Variants in SLC9B2 observed in about 807,000 individuals in gnomAD.
The protein encoded by SLC9B2 is sodium/hydrogen exchanger 9B2.
SLC9B2 carries 39 observed loss-of-function variants against 52.2 expected under a neutral mutation model. The ratio of observed to expected loss-of-function variants is 0.75; its 90% CI spans 0.58 to 0.98. SLC9B2 has a LOEUF of 0.98. SLC9B2 is among the 50% of genes least tolerant of loss of function. SLC9B2 has a pLI of 0.00. For missense variants in SLC9B2, 626 were observed against 637.5 expected (o/e 0.98, Z 0.19); for synonymous variants, 214 against 227.0 (o/e 0.94, Z 0.51).
Position 103,051,905 on chromosome 4 carries a change from C to T in SLC9B2, c.443-1523G>A, listed in dbSNP as rs564106900. Among the ~76,000 whole-genome samples, 5 of 152,266 alleles carry T rather than the reference C, an allele frequency of 3.3e-5. No individual in the cohort carries two copies. The South Asian group carries it at 1.0e-3, about 32-fold the overall frequency. ...TATTTGCTTTATTCTCTTTTAATAACTGGAATAGTATCTCACTGTTTGGAA... is the reference window on the plus strand; with the variant it reads ...TATTTGCTTTATTCTCTTTTAATAATTGGAATAGTATCTCACTGTTTGGAA... On this transcript the variant is annotated intron_variant, in intron 4 of 11. Coordinates refer to ENST00000394785, the MANE Select transcript of SLC9B2 (RefSeq NM_178833.7).
rs541373887 is a variant in SLC9B2 at position 103,061,512 on chromosome 4, G to C, written c.272-3541C>G. Among the ~76,000 whole-genome samples the C allele has an allele frequency of 4.7e-4, 71 of 152,276 alleles. No homozygotes were observed. In the South Asian group the frequency reaches 0.014, roughly 31 times the overall value. On this transcript the variant is annotated intron_variant, in intron 3 of 11. Coordinates refer to ENST00000394785, the MANE Select transcript of SLC9B2 (RefSeq NM_178833.7). ...TATCACACACCGGGGCCTGTTGTGGGGTGGGGGTAGGAGGGAGGGATAGCA... is the reference window on the plus strand; with the variant it reads ...TATCACACACCGGGGCCTGTTGTGGCGTGGGGGTAGGAGGGAGGGATAGCA...
chr4:103,062,005 A>C (rs1745685859), intron 3 of SLC9B2, among the ~76,000 whole-genome samples: 1 of 152,220 alleles, frequency 6.6e-6, no homozygotes. Flanking sequence ...CAAGGGTTGA[A>C]ATTTCTATGC....
In SLC9B2 at chr4:103,057,901, G is replaced by A. The variant is rs114897256; in HGVS notation, c.342C>T (p.Asn114=). The change falls in exon 4 of 12, where the codon AAC becomes AAT. Residue 114 remains asparagine (N), a synonymous_variant. Transcript: ENST00000394785. ...ITGSECLPGG[N]LFGIIILFYC... ...AGAATAGGATTATAATTCCAAATAGGTTTCCTCCAGGAAGACATTCACTGC... is the reference window on the plus strand; with the variant it reads ...AGAATAGGATTATAATTCCAAATAGATTTCCTCCAGGAAGACATTCACTGC... The A allele has an allele frequency of 1.6e-4, 253 of 1,613,844 alleles. No homozygotes were observed. In the African/African-American group the frequency reaches 3.1e-3, roughly 20 times the overall value.
At chr4:103,072,477 T>C (rs940386093) in intron 1 of SLC9B2, among the ~76,000 whole-genome samples, 1 of 152,246 alleles carries the variant, frequency 6.6e-6, no homozygotes, top group Non-Finnish European at 1.5e-5. Context: ...CTGTTCCTTC[T>C]GGCAAGTGGA....
chr4:103,025,122 T>C lies in SLC9B2; in HGVS notation c.*1248A>G, dbSNP rs942879839. On this transcript the variant is annotated 3_prime_UTR_variant, in exon 12 of 12. Transcript: ENST00000394785. ...CACTTAGCTGCCTCACAGCCGGATA[T>C]GATCAATACCAATAAATGTAGGAAA... Among the ~76,000 whole-genome samples the C allele has an allele frequency of 2.0e-5, 3 of 152,188 alleles. No homozygotes were observed. Among genetic ancestry groups the C allele is most frequent in the Non-Finnish European group, 4.4e-5 (3 of 68,024 alleles).
chr4:103,072,056 G>GT (rs779979130), intron 1 of SLC9B2, among the ~76,000 whole-genome samples: 9,945 of 95,240 alleles, frequency 0.1, 1,191 homozygotes, highest in Admixed American at 0.15. Context: ...TGGCTTTCAT[G>GT]TTTTTTTTTT....
intron 1 of SLC9B2, among the ~76,000 whole-genome samples, chr4:103,068,172 T>C (rs955644676): frequency 6.6e-6 from 1 of 152,180 alleles, no homozygotes; most frequent in Non-Finnish European, 1.5e-5. Context: ...CCAAAACATA[T>C]TGTTTGTTTT....
chr4:103,029,671 T>C (rs114981554), intron 10 of SLC9B2, among the ~76,000 whole-genome samples: 1 of 152,074 alleles, frequency 6.6e-6, no homozygotes, highest in African/African-American at 2.4e-5. Context: ...TTGTGAGTAG[T>C]GCTGCTACAT....
At chr4:103,035,354 A>T (rs775655082) in intron 9 of SLC9B2, among the ~76,000 whole-genome samples, 2 of 152,062 alleles carry the variant, frequency 1.3e-5, no homozygotes, top group Non-Finnish European at 2.9e-5. Flanking sequence ...GGGTATATAT[A>T]CACCACATTT....
At chr4:103,039,944 C>T (rs1295174744) in intron 9 of SLC9B2, among the ~76,000 whole-genome samples, 2 of 152,020 alleles carry the variant, frequency 1.3e-5, no homozygotes, top group Non-Finnish European at 2.9e-5. Flanking sequence ...CCGCACCCAG[C>T]CTCAAATGGT....
intron 11 of SLC9B2, among the ~76,000 whole-genome samples, chr4:103,027,611 G>A (rs1231591636): frequency 6.6e-6 from 1 of 152,076 alleles, no homozygotes; most frequent in East Asian, 1.9e-4. Flanking sequence ...AACAATGTAA[G>A]CCTCTAAGAC....
chr4:103,029,881 T>A (rs924861408), intron 10 of SLC9B2, among the ~76,000 whole-genome samples: 1 of 152,156 alleles, frequency 6.6e-6, no homozygotes, highest in African/African-American at 2.4e-5. Flanking sequence ...AAAGGATAAG[T>A]AGTTTTCTCA....
At chr4:103,065,718 C>T (rs1436740816) in intron 3 of SLC9B2, 1 of 152,148 alleles carries the variant, frequency 6.6e-6, no homozygotes, top group Non-Finnish European at 1.5e-5. Flanking sequence ...ATATATTTAT[C>T]AAATTGATGG....
intron 3 of SLC9B2, among the ~76,000 whole-genome samples, chr4:103,064,221 A>G (rs1745904412): frequency 6.6e-6 from 1 of 152,252 alleles, no homozygotes; most frequent in Admixed American, 6.5e-5. Context: ...ACTATTCACA[A>G]TAGCCAAGAT....
rs1157420223 is a variant in SLC9B2 at position 103,076,596 on chromosome 4, G to A, written c.-455C>T. ...AAAGGTGGCGCCAGGCCGACCATGGGCCCACGTCCCGGGGCCTCGGAGCGG... is the reference window on the plus strand; with the variant it reads ...AAAGGTGGCGCCAGGCCGACCATGGACCCACGTCCCGGGGCCTCGGAGCGG... On this transcript the variant is annotated 5_prime_UTR_variant, in exon 1 of 12. Coordinates refer to ENST00000394785, the MANE Select transcript of SLC9B2 (RefSeq NM_178833.7). 1 of 152,208 alleles carries A rather than the reference G, an allele frequency of 6.6e-6. No homozygotes were observed. The highest frequency in any genetic ancestry group is 1.9e-4 in the East Asian group (1 of 5,176). The allele number at this position is 152,208 out of a possible 1,614,324, so 9.4% of individuals were successfully genotyped here. A position where few individuals can be genotyped will look rare whatever the true frequency, so the allele number is the denominator to read the frequency against.
rs1188594146 is a variant in SLC9B2 at position 103,025,426 on chromosome 4, G to T, written c.*944C>A. 6.6e-6 allele frequency: 1 copy of T among 152,200 alleles called. No individual in the cohort carries two copies. Among genetic ancestry groups the T allele is most frequent in the Non-Finnish European group, 1.5e-5 (1 of 68,024 alleles). 9.4% of individuals were successfully genotyped at this position (152,200 alleles called of 1,614,324 possible). ...GAATGGCAGAGCTTCAGGACAGAAA[G>T]ACATGGGACTCTGAGCAGACCTCAT... On this transcript the variant is annotated 3_prime_UTR_variant, in exon 12 of 12. Coordinates refer to ENST00000394785, the MANE Select transcript of SLC9B2 (RefSeq NM_178833.7).
rs1200146213 is a variant in SLC9B2 at position 103,024,465 on chromosome 4, C to T, written c.*1905G>A. ...AGCAAAGTTGACATAAAATTGAAGG[C>T]TATTTAGAAGAAGTGAATATTAAAC... is the stretch of plus-strand genomic sequence containing the variant. On this transcript the variant is annotated 3_prime_UTR_variant, in exon 12 of 12. Transcript: ENST00000394785. Among the ~76,000 whole-genome samples the T allele has an allele frequency of 6.6e-6, 1 of 152,092 alleles. No individual in the cohort carries two copies. Among genetic ancestry groups the T allele is most frequent in the Non-Finnish European group, 1.5e-5 (1 of 68,018 alleles).
At chr4:103,075,864 CT>C (rs1747081646) in intron 1 of SLC9B2, among the ~76,000 whole-genome samples, 2 of 152,298 alleles carry the variant, frequency 1.3e-5, no homozygotes, top group Admixed American at 1.3e-4. Context: ...AGATGTTTTA[CT>C]TTATCTCTTA....
At chr4:103,055,592 A>C (rs1331145584) in intron 4 of SLC9B2, among the ~76,000 whole-genome samples, 1 of 152,122 alleles carries the variant, frequency 6.6e-6, no homozygotes, top group Non-Finnish European at 1.5e-5. Context: ...CCACAAGTTC[A>C]AAAGCAGATA....
Sources: gnomAD v4.1 joint callset for allele counts (sites outside exome capture counted in the v4.1 genomes callset) on GRCh38, gnomAD v4.1.1 for gene constraint, MANE v1.5 for transcripts, NCBI Gene and HGNC (gene_info 2026-07-23, HGNC 2026-07-21) for gene names.